The following MIS18BP1 variants were observed in gnomAD, a reference collection of about 807,000 sequenced individuals.
MIS18BP1 encodes mis18-binding protein 1.
A neutral mutation model predicts 116.1 loss-of-function variants in MIS18BP1; 72 were observed. The observed-to-expected ratio is 0.62, with a 90% CI of 0.51 to 0.75. MIS18BP1 has a LOEUF of 0.75. Ranked by LOEUF, MIS18BP1 falls within the 30% of genes least tolerant of loss-of-function variation. The pLI is 0.00. For synonymous variants in MIS18BP1, 386 were observed against 427.0 expected, an observed-to-expected ratio of 0.90 and a Z score of 1.18; for missense variants, 1,363 against 1,303.2, an observed-to-expected ratio of 1.05 and a Z score of -0.71.
At chr14:45,236,217 G>T (rs1891425730) in intron 5 of MIS18BP1, among the ~76,000 whole-genome samples, 1 of 152,124 alleles carries the variant, frequency 6.6e-6, no homozygotes, top group Non-Finnish European at 1.5e-5. Flanking sequence ...ATCTGATGCT[G>T]GCAATAAATA....
intron 3 of MIS18BP1, 119 bp downstream of exon 3, chr14:45,242,642 T>C: frequency 1.4e-6 from 2 of 1,460,738 alleles, no homozygotes; most frequent in Non-Finnish European, 1.8e-6. Flanking sequence ...AGTGTCTCTT[T>C]TACGATTCAA....
rs77465683 is a variant in MIS18BP1, at chr14:45,223,729, C to T, written c.2669+189G>A. ...ACTTAGGCTTTCCTCGTACTTTCCT[C>T]GTATTAGAGATGACCACAAAAATAC... On this transcript the variant is annotated intron_variant, in intron 11 of 16. Coordinates refer to ENST00000310806, the MANE Select transcript of MIS18BP1 (RefSeq NM_018353.5). 5.4e-3 allele frequency among the ~76,000 whole-genome samples: 818 copies of T among 152,276 alleles called. 5 individuals carry two copies. Among genetic ancestry groups the T allele is most frequent in the African/African-American group, 0.019 (771 of 41,566 alleles).
At position 45,224,061 on chromosome 14, in the gene MIS18BP1, A is replaced by G. The variant is rs1340291972; in HGVS notation, c.2526T>C (p.Thr842=). ...QKKARPSVKE[T]LQKSGVRKEF... ...CTTTCCTAACACCAGACTTCTGAAG[A>G]GTTTCTTTGACGGAAGGTCTAGCTT... is the stretch of plus-strand genomic sequence containing the variant. Residue 842 remains threonine (T), a synonymous_variant, in exon 11 of 17, where the codon ACT becomes ACC. Transcript: ENST00000310806. The G allele has an allele frequency of 1.2e-6, 2 of 1,613,660 alleles. No homozygotes were observed. Among genetic ancestry groups the G allele is most frequent in the African/African-American group, 1.3e-5 (1 of 74,912 alleles).
intron 10 of MIS18BP1, among the ~76,000 whole-genome samples, chr14:45,225,104 T>G (rs895862614): frequency 2.0e-5 from 3 of 152,292 alleles, no homozygotes; most frequent in Middle Eastern, 6.8e-3. Context: ...TTCTCAGATT[T>G]TCTTGGTTCT....
intron 12 of MIS18BP1, among the ~76,000 whole-genome samples, chr14:45,217,656 G>A (rs1298408214): frequency 6.6e-6 from 1 of 151,148 alleles, no homozygotes; most frequent in African/African-American, 2.4e-5. Flanking sequence ...GGCTGGTCTC[G>A]AACTTGTGAG....
intron 14 of MIS18BP1, among the ~76,000 whole-genome samples, chr14:45,209,007 T>A (rs1284880177): frequency 1.3e-5 from 2 of 152,150 alleles, no homozygotes; most frequent in Non-Finnish European, 2.9e-5. Context: ...ACTTTTTTCT[T>A]AATTTTATTT....
At chr14:45,252,863 G>A (rs190877034) in intron 1 of MIS18BP1, among the ~76,000 whole-genome samples, 172 bp downstream of exon 1, 1 of 152,276 alleles carries the variant, frequency 6.6e-6, no homozygotes, top group East Asian at 1.9e-4. Flanking sequence ...CTTAAGTACA[G>A]TAGACACGCA....
In MIS18BP1 at chr14:45,246,846, G is replaced by A; in HGVS notation, c.441C>T (p.Thr147=). ...TTTTTTCAACTCTGTTAGGAGTGAA[G>A]GTTTCATTATTTCCACTTTTCTGTG... ...LEPQKSGNNE[T]FTPNRVEKKK... The change falls in exon 2 of 17, where the codon ACC becomes ACT. Residue 147 remains threonine, a synonymous_variant. Coordinates refer to ENST00000310806, the MANE Select transcript of MIS18BP1 (RefSeq NM_018353.5). The A allele has an allele frequency of 6.2e-7, 1 of 1,611,594 alleles. No individual in the cohort carries two copies. The highest frequency in any genetic ancestry group is 8.5e-7 in the Non-Finnish European group (1 of 1,179,454).
intron 1 of MIS18BP1, among the ~76,000 whole-genome samples, chr14:45,250,968 C>T (rs1210757255): frequency 7.1e-6 from 1 of 141,346 alleles, no homozygotes; most frequent in Non-Finnish European, 1.5e-5. Context: ...ACCCGGGAGG[C>T]GGAGCTTGCA....
intron 1 of MIS18BP1, among the ~76,000 whole-genome samples, chr14:45,249,282 G>T (rs1481759488): frequency 1.3e-5 from 2 of 152,122 alleles, no homozygotes; most frequent in Non-Finnish European, 2.9e-5. Flanking sequence ...AGTAGAGACG[G>T]GGTTTCACCA....
At chr14:45,249,487 G>A (rs1891811553) in intron 1 of MIS18BP1, among the ~76,000 whole-genome samples, 1 of 152,168 alleles carries the variant, frequency 6.6e-6, no homozygotes, top group Non-Finnish European at 1.5e-5. Context: ...TCCCACAAGT[G>A]TTGGGAATAC....
At chr14:45,224,991 C>T (rs771875382) in intron 10 of MIS18BP1, among the ~76,000 whole-genome samples, 9 of 152,116 alleles carry the variant, frequency 5.9e-5, no homozygotes, top group Non-Finnish European at 1.2e-4. Flanking sequence ...TTTTAGTAGA[C>T]ATATAAATAA....
chr14:45,232,435 AAAAC>A, intron 7 of MIS18BP1: 5 of 244,626 alleles, frequency 2.0e-5, no homozygotes, highest in Admixed American at 5.7e-5. Flanking sequence ...AAAAAAAAAA[AAAAC>A]AACAACAAAA....
At chr14:45,237,767 G>T in intron 4 of MIS18BP1, 46 bp from the exon 5 acceptor site, 1 of 1,538,412 alleles carries the variant, frequency 6.5e-7, no homozygotes, top group Non-Finnish European at 8.7e-7. Flanking sequence ...ATTACTTGCA[G>T]CACAAGCATT....
chr14:45,212,072 C>T (rs1032202279), intron 13 of MIS18BP1, among the ~76,000 whole-genome samples: 5 of 152,072 alleles, frequency 3.3e-5, no homozygotes, highest in African/African-American at 7.2e-5. Context: ...TTTGTGGCAC[C>T]CTCAGGGCTT....
At chr14:45,214,907 A>G (rs891630536) in intron 13 of MIS18BP1, among the ~76,000 whole-genome samples, 1 of 152,094 alleles carries the variant, frequency 6.6e-6, no homozygotes, top group African/African-American at 2.4e-5. Context: ...GCCCACCACC[A>G]TGCCAGCTAA....
At chr14:45,231,030 A>C (rs1891258751) in intron 8 of MIS18BP1, 111 bp downstream of exon 8, 1 of 1,092,466 alleles carries the variant, frequency 9.2e-7, no homozygotes, top group Non-Finnish European at 1.2e-6. Flanking sequence ...GTATAAGTCA[A>C]AGAATACTAT....
rs767149092 is a variant in MIS18BP1, at chr14:45,224,095, T to A, written c.2492A>T (p.Lys831Ile). The change falls in exon 11 of 17, where the codon AAA becomes ATA. Residue 831 changes from lysine to isoleucine, a missense_variant. Coordinates refer to ENST00000310806, the MANE Select transcript of MIS18BP1 (RefSeq NM_018353.5). ...TEESENEFYI[K>I]QKKARPSVKE... Reference sequence around the variant, plus strand: ...GACGGAAGGTCTAGCTTTCTTTTGTTTGATATAAAATTCATTTTCACTTTC... The same window carrying A: ...GACGGAAGGTCTAGCTTTCTTTTGTATGATATAAAATTCATTTTCACTTTC... 6.2e-7 allele frequency: 1 copy of A among 1,612,388 alleles called. No homozygotes were observed. The highest frequency in any genetic ancestry group is 1.1e-5 in the South Asian group (1 of 90,536).
chr14:45,221,119 A>C (rs1890959384), intron 11 of MIS18BP1, among the ~76,000 whole-genome samples: 1 of 150,900 alleles, frequency 6.6e-6, no homozygotes, highest in South Asian at 2.1e-4. Flanking sequence ...TGGGTGACAG[A>C]GTGAGACTCT....
Sources: gnomAD v4.1 joint callset for allele counts (sites outside exome capture counted in the v4.1 genomes callset) on GRCh38, gnomAD v4.1.1 for gene constraint, MANE v1.5 for transcripts, NCBI Gene and HGNC (gene_info 2026-07-23, HGNC 2026-07-21) for gene names.